The following WWOX variants were observed in gnomAD, a reference collection of about 807,000 sequenced individuals.
WWOX encodes the protein WW domain-containing oxidoreductase.
In WWOX, 69 loss-of-function variants were observed where a neutral mutation model predicts 46.2. The ratio of observed to expected loss-of-function variants is 1.49; its 90% confidence interval spans 1.23 to 1.82. The LOEUF is 1.82. Ranked by LOEUF, WWOX falls within the 40% of genes most tolerant of loss-of-function variation. The pLI, the probability that WWOX is intolerant of heterozygous loss-of-function variation, is 0.00. For synonymous variants in WWOX, 359 were observed against 202.6 expected, an observed-to-expected ratio of 1.77 and a Z score of -6.56; for missense variants, 919 against 542.6, an observed-to-expected ratio of 1.69 and a Z score of -6.89.
chr16:78,269,913 A>AG (rs1272606305), intron 5 of WWOX, among the ~76,000 whole-genome samples: 3 of 95,570 alleles, frequency 3.1e-5, no homozygotes, highest in Non-Finnish European at 6.3e-5. Flanking sequence ...TACATAAGGA[A>AG]GTTTTTTTTT....
intron 5 of WWOX, among the ~76,000 whole-genome samples, chr16:78,302,061 A>G (rs1041182553): frequency 1.3e-5 from 2 of 151,868 alleles, no homozygotes; most frequent in African/African-American, 2.4e-5. Context: ...CCCGGGTTCA[A>G]GCGATTCTCC....
At chr16:78,828,811 A>C (rs571767972) in intron 8 of WWOX, among the ~76,000 whole-genome samples, 13 of 152,284 alleles carry the variant, frequency 8.5e-5, no homozygotes, top group African/African-American at 2.9e-4. Context: ...GCTGGATTGG[A>C]AACTATGTAA....
At chr16:78,391,265 C>A (rs1488215336) in intron 6 of WWOX, among the ~76,000 whole-genome samples, 1 of 152,128 alleles carries the variant, frequency 6.6e-6, no homozygotes, top group Non-Finnish European at 1.5e-5. Context: ...AGCTGCTAGG[C>A]AACTTGTTGT....
intron 8 of WWOX, chr16:78,503,688 C>G (rs760356053): frequency 6.6e-5 from 10 of 152,082 alleles, no homozygotes; most frequent in Admixed American, 2.6e-4. Context: ...ATTTCACCAC[C>G]AGGGGGCATT....
intron 8 of WWOX, among the ~76,000 whole-genome samples, chr16:79,121,797 A>T (rs1274224491): frequency 6.6e-6 from 1 of 152,178 alleles, no homozygotes; most frequent in Non-Finnish European, 1.5e-5. Flanking sequence ...TACTCTTTAA[A>T]AGTGGCCACT....
chr16:78,359,220 C>A (rs886347229), intron 5 of WWOX, among the ~76,000 whole-genome samples: 5 of 152,164 alleles, frequency 3.3e-5, no homozygotes, highest in Non-Finnish European at 5.9e-5. Context: ...GAGCTGGTAT[C>A]TCCTCTGATA....
intron 8 of WWOX, among the ~76,000 whole-genome samples, chr16:78,537,129 C>G (rs1336358616): frequency 6.6e-6 from 1 of 151,972 alleles, no homozygotes; most frequent in Non-Finnish European, 1.5e-5. Context: ...GTTGTCCAGG[C>G]TGGTCTTGAA....
At chr16:78,870,767 A>T (rs1362900421) in intron 8 of WWOX, among the ~76,000 whole-genome samples, 2 of 152,014 alleles carry the variant, frequency 1.3e-5, no homozygotes, top group Non-Finnish European at 2.9e-5. Flanking sequence ...ATGCCCAGCT[A>T]AATTTTTGTA....
At chr16:78,605,121 G>C (rs1335536568) in intron 8 of WWOX, among the ~76,000 whole-genome samples, 1 of 149,700 alleles carries the variant, frequency 6.7e-6, no homozygotes, top group Non-Finnish European at 1.5e-5. Context: ...GTCTGTGTTA[G>C]CCTGGCTAGC....
intron 5 of WWOX, among the ~76,000 whole-genome samples, chr16:78,214,963 G>C (rs572964252): frequency 6.6e-6 from 1 of 152,314 alleles, no homozygotes; most frequent in Non-Finnish European, 1.5e-5. Flanking sequence ...GCTTTACAGA[G>C]ACTACCATGA....
intron 8 of WWOX, among the ~76,000 whole-genome samples, chr16:78,960,720 T>G (rs890447690): frequency 5.9e-5 from 9 of 152,194 alleles, no homozygotes; most frequent in Non-Finnish European, 1.3e-4. Flanking sequence ...GACTTTCCAG[T>G]AGAGGTACAC....
intron 8 of WWOX, among the ~76,000 whole-genome samples, chr16:78,623,713 C>G (rs1254795905): frequency 1.4e-5 from 2 of 138,608 alleles, no homozygotes; most frequent in Non-Finnish European, 3.1e-5. Flanking sequence ...CCAGCCTGGG[C>G]AACAGAGTCA....
intron 5 of WWOX, among the ~76,000 whole-genome samples, chr16:78,255,216 G>A (rs2038095859): frequency 6.6e-6 from 1 of 152,182 alleles, no homozygotes; most frequent in South Asian, 2.1e-4. Context: ...TCCCCCTGCT[G>A]TCCTTCTAGT....
At chr16:78,914,802 C>T (rs1397472572) in intron 8 of WWOX, among the ~76,000 whole-genome samples, 1 of 151,404 alleles carries the variant, frequency 6.6e-6, no homozygotes, top group South Asian at 2.1e-4. Flanking sequence ...TGGCGTGAAC[C>T]CAGGAGGCGG....
chr16:78,934,296 C>G (rs895361485), intron 8 of WWOX, among the ~76,000 whole-genome samples: 9 of 146,168 alleles, frequency 6.2e-5, no homozygotes, highest in African/African-American at 1.8e-4. Context: ...CGAGATCGCA[C>G]CACTGCACTC....
chr16:78,868,823 T>A (rs1433350012), intron 8 of WWOX, among the ~76,000 whole-genome samples: 2 of 152,196 alleles, frequency 1.3e-5, no homozygotes, highest in Non-Finnish European at 2.9e-5. Context: ...AGGAAAGACC[T>A]GCAGCTCTTC....
At chr16:78,554,506 C>A (rs987726035) in intron 8 of WWOX, among the ~76,000 whole-genome samples, 2 of 152,100 alleles carry the variant, frequency 1.3e-5, no homozygotes, top group African/African-American at 4.8e-5. Context: ...CATACATACA[C>A]ATATATGCAC....
chr16:78,476,856 T>A (rs912718836), intron 8 of WWOX, among the ~76,000 whole-genome samples: 2 of 152,104 alleles, frequency 1.3e-5, no homozygotes, highest in African/African-American at 4.8e-5. Context: ...TTTTTCTTTT[T>A]CCTTCCCTCC....
intron 8 of WWOX, among the ~76,000 whole-genome samples, chr16:79,020,956 G>C (rs1205734314): frequency 6.6e-6 from 1 of 152,124 alleles, no homozygotes; most frequent in Non-Finnish European, 1.5e-5. Context: ...GGGGATTCTT[G>C]ACATCAAATT....
Sources: gnomAD v4.1 joint callset for allele counts (sites outside exome capture counted in the v4.1 genomes callset) on GRCh38, gnomAD v4.1.1 for gene constraint, MANE v1.5 for transcripts, NCBI Gene and HGNC (gene_info 2026-07-23, HGNC 2026-07-21) for gene names.